Variants in TENT4A observed in about 807,000 individuals in gnomAD.
The protein encoded by TENT4A is DNA polymerase kappa.
TENT4A carries 7 observed loss-of-function variants against 72.8 expected under a neutral mutation model. The ratio of observed to expected loss-of-function variants is 0.10; its 90% CI spans 0.05 to 0.18. TENT4A has a LOEUF of 0.18. Among genes scored for constraint, TENT4A ranks in the 10% least tolerant of loss-of-function variants. The probability of loss-of-function intolerance (pLI) is 1.00; values close to 1 mark genes in which losing one functional copy is unlikely to be tolerated. For missense variants in TENT4A, 831 were observed against 1,017.7 expected, an observed-to-expected ratio of 0.82 and a Z score of 2.50; for synonymous variants, 456 against 434.3, an observed-to-expected ratio of 1.05 and a Z score of -0.62.
At chr5:6,735,792 G>A (rs1741451823) in intron 1 of TENT4A, among the ~76,000 whole-genome samples, 1 of 144,904 alleles carries the variant, frequency 6.9e-6, no homozygotes, top group Admixed American at 7.0e-5. Context: ...ACAGAGTCTT[G>A]CTCTGTCGCC....
In TENT4A at chr5:6,754,901, C is replaced by A. The variant is rs748296365; in HGVS notation, c.2335C>A (p.His779Asn). 7.3e-6 allele frequency: 11 copies of A among 1,502,402 alleles called. No individual in the cohort carries two copies. Among genetic ancestry groups the A allele is most frequent in the East Asian group, 2.5e-5 (1 of 40,792 alleles). The allele number at this position is 1,502,402 out of a possible 1,614,324, so 93.1% of individuals were successfully genotyped here. A position where few individuals can be genotyped will look rare whatever the true frequency, so the allele number is the denominator to read the frequency against. ...CCGCACCGGCTGGAGGAGGAAAAAA[C>A]ACACACACACACGGGACAGTCTGCC... is the stretch of plus-strand genomic sequence containing the variant. ...YNRTGWRRKK[H>N]THTRDSLPVS... The change falls in exon 13 of 13, where the codon CAC becomes AAC. Residue 779 changes from histidine (H) to asparagine (N), a missense_variant. Physicochemically the swap from His to Asn is moderately conservative, Grantham distance 68. Transcript: ENST00000230859.
intron 6 of TENT4A, among the ~76,000 whole-genome samples, chr5:6,745,583 AATT>A (rs1400858405): frequency 6.6e-6 from 1 of 152,124 alleles, no homozygotes; most frequent in African/African-American, 2.4e-5. Context: ...GACAGCTGAG[AATT>A]ATGACCCTCA....
rs1345006910 is a variant in TENT4A, at chr5:6,755,225, G to T, written c.*280G>T. 9.2e-6 allele frequency: 3 copies of T among 325,954 alleles called. No individual in the cohort carries two copies. Among genetic ancestry groups the T allele is most frequent in the Non-Finnish European group, 1.7e-5 (3 of 178,396 alleles). The allele number at this position is 325,954 out of a possible 1,614,324, so 20.2% of individuals were successfully genotyped here. ...GCAGGTCGGGCTCAGGAACTGCAGG[G>T]ACGTGAACATGCGCTTGCGGTTTGA... On this transcript the variant is annotated 3_prime_UTR_variant, in exon 13 of 13. Coordinates refer to ENST00000230859, the MANE Select transcript of TENT4A (RefSeq NM_006999.6).
chr5:6,724,268 A>G (rs1244817218), intron 1 of TENT4A, among the ~76,000 whole-genome samples: 1 of 152,198 alleles, frequency 6.6e-6, no homozygotes, highest in African/African-American at 2.4e-5. Flanking sequence ...ACCTCTGTGA[A>G]TGGGCAGAGA....
chr5:6,736,985 C>A (rs549654584), intron 1 of TENT4A, among the ~76,000 whole-genome samples: 1 of 152,368 alleles, frequency 6.6e-6, no homozygotes, highest in African/African-American at 2.4e-5. Flanking sequence ...GTAGCTTGGG[C>A]AGACCTGGGC....
chr5:6,746,554 T>A, intron 7 of TENT4A, 127 bp downstream of exon 7: 2 of 712,286 alleles, frequency 2.8e-6, no homozygotes, highest in Non-Finnish European at 4.7e-6. Context: ...GTTTCTCTTA[T>A]ACTAACCAGT....
At chr5:6,753,594 T>C (rs901327185) in intron 12 of TENT4A, among the ~76,000 whole-genome samples, 1 of 152,202 alleles carries the variant, frequency 6.6e-6, no homozygotes, top group Non-Finnish European at 1.5e-5. Flanking sequence ...CTCTATATTC[T>C]TGAAGTACCT....
At chr5:6,741,053 C>T (rs1741777317) in intron 4 of TENT4A, among the ~76,000 whole-genome samples, 2 of 152,170 alleles carry the variant, frequency 1.3e-5, no homozygotes, top group Admixed American at 1.3e-4. Flanking sequence ...GAATCCTGAC[C>T]AGGCGACCAC....
intron 4 of TENT4A, 78 bp downstream of exon 4, chr5:6,739,930 C>CA: frequency 2.8e-6 from 4 of 1,410,010 alleles, no homozygotes; most frequent in Non-Finnish European, 3.0e-6. Context: ...ACGCCTGCGT[C>CA]ACGAGCTTGT....
At chr5:6,742,620 G>A (rs557792244) in intron 5 of TENT4A, 23 bp downstream of exon 5, 40 of 1,423,284 alleles carry the variant, frequency 2.8e-5, no homozygotes, top group Middle Eastern at 3.5e-4. Flanking sequence ...GTGACCCAGC[G>A]CGGCGAGAGT....
chr5:6,746,147 G>A (rs928661787), intron 6 of TENT4A, 67 bp from the exon 7 acceptor site: 88 of 1,610,550 alleles, frequency 5.5e-5, no homozygotes, highest in Non-Finnish European at 6.2e-5. Context: ...AGCAGACTTC[G>A]TCGCGTGCTA....
At chr5:6,715,085 A>G (rs921996836) in intron 1 of TENT4A, 1 of 156,134 alleles carries the variant, frequency 6.4e-6, no homozygotes, top group Admixed American at 6.5e-5. Context: ...TTGCAGAATA[A>G]TTTAGCATTG....
At chr5:6,749,142 T>G (rs1579496023) in intron 8 of TENT4A, among the ~76,000 whole-genome samples, 2 of 152,102 alleles carry the variant, frequency 1.3e-5, no homozygotes, top group Non-Finnish European at 2.9e-5. Context: ...CCGCTGCAGG[T>G]GCTGGTGGTG....
rs1742624463 is a variant in TENT4A, at chr5:6,755,122, CGTT to C, written c.*180_*182del. The C allele has an allele frequency of 4.0e-6, 2 of 504,446 alleles. No individual in the cohort carries two copies. The highest frequency in any genetic ancestry group is 3.1e-5 in the East Asian group (1 of 31,886). The allele number at this position is 504,446 out of a possible 1,614,324, so 31.2% of individuals were successfully genotyped here. On this transcript the variant is annotated 3_prime_UTR_variant, in exon 13 of 13. Coordinates refer to ENST00000230859, the MANE Select transcript of TENT4A (RefSeq NM_006999.6). Reference sequence around the variant, plus strand: ...GTCGCGTCCATCTTCAAGAACAGCTCGTTGTGCTCATCTGTGAAGCCTTATTAA... The same window carrying C: ...GTCGCGTCCATCTTCAAGAACAGCTCGTGCTCATCTGTGAAGCCTTATTAA...
Position 6,750,335 on chromosome 5 carries a change from C to T in TENT4A, c.1692C>T (p.Ser564=), listed in dbSNP as rs1419925887. 2 of 1,608,928 alleles carry T rather than the reference C, an allele frequency of 1.2e-6. No individual in the cohort carries two copies. The highest frequency in any genetic ancestry group is 1.7e-6 in the Non-Finnish European group (2 of 1,177,774). ...SKAHPSPGMD[S]RIKIKERIAT... is the part of the protein sequence containing the mutation. ...CAAGGCTTTTTCCCTCCACAGACAG[C>T]AGGATCAAGATCAAAGAGCGAATAG... Residue 564 remains serine, a synonymous_variant, in exon 10 of 13, where the codon AGC becomes AGT. Coordinates refer to ENST00000230859, the MANE Select transcript of TENT4A (RefSeq NM_006999.6).
intron 1 of TENT4A, among the ~76,000 whole-genome samples, chr5:6,728,479 C>T (rs571964625): frequency 7.9e-5 from 12 of 152,276 alleles, no homozygotes; most frequent in African/African-American, 2.9e-4. Context: ...GGAGGGTTTT[C>T]GGACTTGTAG....
At chr5:6,733,326 G>T (rs1455855267) in intron 1 of TENT4A, among the ~76,000 whole-genome samples, 1 of 152,242 alleles carries the variant, frequency 6.6e-6, no homozygotes, top group African/African-American at 2.4e-5. Context: ...CCGGCGTGCC[G>T]CCAGCCTTTC....
chr5:6,736,483 C>T (rs1741505856), intron 1 of TENT4A, among the ~76,000 whole-genome samples: 1 of 152,196 alleles, frequency 6.6e-6, no homozygotes, highest in South Asian at 2.1e-4. Flanking sequence ...TGTTATAATT[C>T]CTAGGAGTCA....
intron 1 of TENT4A, among the ~76,000 whole-genome samples, chr5:6,733,275 A>C (rs1266881917): frequency 1.3e-5 from 2 of 152,228 alleles, no homozygotes; most frequent in African/African-American, 2.4e-5. Context: ...CTGAGGCTGC[A>C]GGGGAGGATG....
Sources: gnomAD v4.1 joint callset for allele counts (sites outside exome capture counted in the v4.1 genomes callset) on GRCh38, gnomAD v4.1.1 for gene constraint, MANE v1.5 for transcripts, NCBI Gene and HGNC (gene_info 2026-07-23, HGNC 2026-07-21) for gene names.